The following ERCC6L2 variants were observed in gnomAD, a reference collection of about 807,000 sequenced individuals.
ERCC6L2 encodes DNA excision repair protein ERCC-6-like 2.
Under a neutral mutation model 132.0 loss-of-function variants are expected in ERCC6L2, and 77 were observed. The observed-to-expected ratio is 0.58, with a 90% confidence interval of 0.49 to 0.71. The LOEUF (loss-of-function observed/expected upper bound fraction) is 0.71. Among genes scored for constraint, ERCC6L2 ranks in the 30% least tolerant of loss-of-function variants. The pLI is 0.00. For synonymous variants in ERCC6L2, 583 were observed against 632.4 expected, an observed-to-expected ratio of 0.92 and a Z score of 1.17; for missense variants, 1,542 against 1,837.6, an observed-to-expected ratio of 0.84 and a Z score of 2.94.
chr9:95,985,814 G>C (rs1415757096), intron 17 of ERCC6L2, among the ~76,000 whole-genome samples: 1 of 151,986 alleles, frequency 6.6e-6, no homozygotes, highest in Non-Finnish European at 1.5e-5. Context: ...CAATAATCTT[G>C]GTACATACCA....
chr9:95,917,412 G>A (rs1310593391), intron 6 of ERCC6L2, among the ~76,000 whole-genome samples: 1 of 152,120 alleles, frequency 6.6e-6, no homozygotes, highest in Admixed American at 6.6e-5. Context: ...CCAAATAAGG[G>A]CAATCCTATG....
intron 19 of ERCC6L2, among the ~76,000 whole-genome samples, chr9:96,032,388 C>T (rs771235183): frequency 1.3e-5 from 2 of 152,216 alleles, no homozygotes; most frequent in East Asian, 1.9e-4. Context: ...AGCCTCCTTG[C>T]GCCTCACCGT....
rs144076442 is a variant in ERCC6L2 at position 96,013,002 on chromosome 9, G to A, written c.4452G>A (p.Glu1484=). Residue 1484 remains glutamate (E), a synonymous_variant, in exon 19 of 19, where the codon GAG becomes GAA. Transcript: ENST00000653738. ...AAGATTTCTGGGACATCTTGAATGA[G>A]CAGAATGATGAGAGTCTTAGTAAAC... ...RPKDFWDILN[E]QNDESLSKLT... is the part of the protein sequence containing the mutation. 2.6e-5 allele frequency: 35 copies of A among 1,367,428 alleles called. No individual in the cohort carries two copies. The African/African-American group carries it at 4.3e-4, about 17-fold the overall frequency. 84.7% of individuals were successfully genotyped at this position (1,367,428 alleles called of 1,614,324 possible). A position where few individuals can be genotyped will look rare whatever the true frequency, so the allele number is the denominator to read the frequency against.
chr9:96,006,016 AG>A (rs1443891467), intron 18 of ERCC6L2, among the ~76,000 whole-genome samples: 1 of 152,172 alleles, frequency 6.6e-6, no homozygotes, highest in Non-Finnish European at 1.5e-5. Flanking sequence ...GAAACAAGAG[AG>A]GAAAAAATTC....
intron 14 of ERCC6L2, among the ~76,000 whole-genome samples, chr9:95,969,014 G>T (rs1182701285): frequency 2.6e-5 from 4 of 152,158 alleles, no homozygotes; most frequent in African/African-American, 9.7e-5. Context: ...CCCTCACTCT[G>T]AAGGCTGCAT....
chr9:95,923,225 T>C (rs1251440797), intron 8 of ERCC6L2, 35 bp from the exon 9 acceptor site: 1 of 1,606,602 alleles, frequency 6.2e-7, no homozygotes, highest in East Asian at 2.2e-5. Context: ...ATGTGTTAAG[T>C]GGAAATATCT....
chr9:95,896,166 C>T (rs555132202), intron 2 of ERCC6L2, among the ~76,000 whole-genome samples: 2 of 152,076 alleles, frequency 1.3e-5, no homozygotes, highest in Non-Finnish European at 2.9e-5. Context: ...TTTCCTTGTA[C>T]CTGAAAACAT....
At chr9:96,011,262 T>C (rs1834018246) in intron 18 of ERCC6L2, among the ~76,000 whole-genome samples, 1 of 152,216 alleles carries the variant, frequency 6.6e-6, no homozygotes, top group African/African-American at 2.4e-5. Flanking sequence ...TATCCTTACA[T>C]GGCAGAGAGG....
chr9:95,907,882 CAT>C (rs1829156066), intron 4 of ERCC6L2, among the ~76,000 whole-genome samples: 2 of 151,708 alleles, frequency 1.3e-5, no homozygotes, highest in South Asian at 4.2e-4. Context: ...CCCACTGTAG[CAT>C]AGAGTGTGAG....
intron 18 of ERCC6L2, among the ~76,000 whole-genome samples, chr9:96,005,486 G>A (rs151212514): frequency 0.01 from 1,593 of 152,130 alleles, 35 homozygotes; most frequent in African/African-American, 0.036. Context: ...CTTTTGGGAA[G>A]TCAGGGAAGA....
chr9:95,972,024 G>A lies in ERCC6L2; in HGVS notation c.2273G>A (p.Ser758Asn), dbSNP rs1283130908. Reference sequence around the variant, plus strand: ...GCATGTGATCTCTGCAGTGACTTCAGTGATGAAGAGCCAGTGGGAGCCACA... The same window carrying A: ...GCATGTGATCTCTGCAGTGACTTCAATGATGAAGAGCCAGTGGGAGCCACA... ...KEACDLCSDF[S>N]DEEPVGATGI... Residue 758 changes from serine (S) to asparagine (N), a missense_variant, in exon 16 of 19, where the codon AGT becomes AAT. Coordinates refer to ENST00000653738, the MANE Select transcript of ERCC6L2 (RefSeq NM_020207.7). 1.6e-5 allele frequency: 21 copies of A among 1,304,112 alleles called. No homozygotes were observed. The highest frequency in any genetic ancestry group is 2.0e-5 in the Non-Finnish European group (20 of 988,952). The allele number at this position is 1,304,112 out of a possible 1,614,324, so 80.8% of individuals were successfully genotyped here.
intron 2 of ERCC6L2, among the ~76,000 whole-genome samples, chr9:95,882,768 C>T (rs952836971): frequency 1.3e-5 from 2 of 152,190 alleles, no homozygotes; most frequent in African/African-American, 4.8e-5. Flanking sequence ...ATTAACCATA[C>T]TCTATGTTCC....
At chr9:95,958,485 G>C (rs1036608932) in intron 13 of ERCC6L2, among the ~76,000 whole-genome samples, 11 of 152,256 alleles carry the variant, frequency 7.2e-5, no homozygotes, top group African/African-American at 2.6e-4. Flanking sequence ...GTGTAAAAGT[G>C]TTCCTGTTTT....
At chr9:95,906,296 A>G (rs1482255905) in intron 3 of ERCC6L2, among the ~76,000 whole-genome samples, 1 of 152,178 alleles carries the variant, frequency 6.6e-6, no homozygotes, top group East Asian at 1.9e-4. Flanking sequence ...GGATTTTTTT[A>G]ACCCTGGGAA....
At position 95,966,687 on chromosome 9, in the gene ERCC6L2, G is replaced by T; in HGVS notation, c.2073G>T (p.Gly691=). The change falls in exon 14 of 19, where the codon GGG becomes GGT. Residue 691 remains glycine, a synonymous_variant. Transcript: ENST00000653738. The part of the protein sequence containing the change: ...IHNLFKFRSQ[G]SCLTKDILER... ...ACCTCTTCAAATTTAGGTCCCAAGG[G>T]TCTTGTCTTACGAAGGACATCCTGG... 2 of 1,489,456 alleles carry T rather than the reference G, an allele frequency of 1.3e-6. No individual in the cohort carries two copies. The highest frequency in any genetic ancestry group is 2.7e-5 in the African/African-American group (2 of 73,118). 92.3% of individuals were successfully genotyped at this position (1,489,456 alleles called of 1,614,324 possible).
intron 17 of ERCC6L2, among the ~76,000 whole-genome samples, chr9:95,997,240 TA>T (rs1207428288): frequency 2.6e-5 from 4 of 152,208 alleles, no homozygotes; most frequent in Non-Finnish European, 5.9e-5. Context: ...ATATCTACAT[TA>T]ACAGAAGTTT....
chr9:95,927,386 G>C (rs967577084), intron 9 of ERCC6L2, among the ~76,000 whole-genome samples: 1 of 152,052 alleles, frequency 6.6e-6, no homozygotes, highest in Non-Finnish European at 1.5e-5. Context: ...TCTGTGGATT[G>C]CTTTTCCACA....
At chr9:95,915,137 C>A (rs946857195) in intron 4 of ERCC6L2, among the ~76,000 whole-genome samples, 7 of 152,180 alleles carry the variant, frequency 4.6e-5, no homozygotes, top group Non-Finnish European at 8.8e-5. Context: ...TTTCCCCCAA[C>A]ATATGCCTGA....
At chr9:95,960,825 T>G (rs1342352464) in intron 13 of ERCC6L2, among the ~76,000 whole-genome samples, 1 of 152,134 alleles carries the variant, frequency 6.6e-6, no homozygotes, top group Non-Finnish European at 1.5e-5. Context: ...TTTGTAGAGA[T>G]AGAGTTTCAC....
Sources: allele counts gnomAD v4.1 joint callset (sites outside exome capture counted in the v4.1 genomes callset), GRCh38; gene constraint gnomAD v4.1.1; transcripts MANE v1.5; gene names NCBI Gene and HGNC (gene_info 2026-07-23, HGNC 2026-07-21).